Variants in PRDM16 observed in about 807,000 individuals in gnomAD.
PRDM16 encodes PR/SET domain 16, also known as histone-lysine N-methyltransferase PRDM16.
Under a neutral mutation model 110.6 loss-of-function variants are expected in PRDM16, and 23 were observed. The observed-to-expected ratio is 0.21, with a 90% confidence interval of 0.15 to 0.29. PRDM16 has a LOEUF of 0.29. Ranked by LOEUF, PRDM16 falls within the 10% of genes least tolerant of loss-of-function variation. The pLI, the probability that PRDM16 is intolerant of heterozygous loss-of-function variation, is 1.00. For synonymous variants in PRDM16, 799 were observed against 781.8 expected, an observed-to-expected ratio of 1.02 and a Z score of -0.37; for missense variants, 1,615 against 1,794.3, an observed-to-expected ratio of 0.90 and a Z score of 1.81.
chr1:3,114,952 CCTT>C (rs1220636376), intron 1 of PRDM16, among the ~76,000 whole-genome samples: 2 of 152,286 alleles, frequency 1.3e-5, no homozygotes, highest in Admixed American at 1.3e-4. Context: ...GCCAAGGCCT[CCTT>C]CTCCTCTGAC....
chr1:3,121,584 C>A (rs1178083083), intron 1 of PRDM16, among the ~76,000 whole-genome samples: 3 of 152,212 alleles, frequency 2.0e-5, no homozygotes, highest in Non-Finnish European at 4.4e-5. Flanking sequence ...CCTGGAAGTG[C>A]GGGGCAAAGG....
chr1:3,325,572 A>G (rs1641870263), intron 3 of PRDM16, among the ~76,000 whole-genome samples: 1 of 152,212 alleles, frequency 6.6e-6, no homozygotes, highest in Admixed American at 6.5e-5. Context: ...AGCTGCTGTA[A>G]CAAAGTACCA....
chr1:3,119,669 A>G (rs1163889896), intron 1 of PRDM16, among the ~76,000 whole-genome samples: 3 of 152,196 alleles, frequency 2.0e-5, no homozygotes, highest in Non-Finnish European at 4.4e-5. Context: ...ATAGGAAATC[A>G]AGGGCCAAGG....
intron 1 of PRDM16, among the ~76,000 whole-genome samples, chr1:3,070,007 T>G (rs1641708619): frequency 6.6e-6 from 1 of 151,714 alleles, no homozygotes; most frequent in South Asian, 2.1e-4. Context: ...CCCCGCGTGG[T>G]GGAGGGCGCT....
chr1:3,191,138 T>A (rs1157000091), intron 2 of PRDM16, among the ~76,000 whole-genome samples: 1 of 152,252 alleles, frequency 6.6e-6, no homozygotes, highest in Admixed American at 6.5e-5. Flanking sequence ...ATCAGAACGC[T>A]GATGAGTAAG....
At position 3,213,826 on chromosome 1, in the gene PRDM16, C is replaced by T. The variant is rs568810357; in HGVS notation, c.387+27352C>T. ...AGACCAAGGACTCCCGAGGCCAAGC[C>T]GGTGCCTTCCCAGGAGGCCTTGCCA... On this transcript the variant is annotated intron_variant, in intron 2 of 16. Transcript: ENST00000270722. This position sits in a 1 kb window ranked among gnomAD's most constrained non-coding sequence, Gnocchi z 5.3. Among the ~76,000 whole-genome samples, 11 of 152,270 alleles carry T rather than the reference C, an allele frequency of 7.2e-5. No homozygotes were observed. Among genetic ancestry groups the T allele is most frequent in the African/African-American group, 2.4e-4 (10 of 41,546 alleles).
chr1:3,108,382 G>A (rs962429238), intron 1 of PRDM16, among the ~76,000 whole-genome samples: 2 of 152,196 alleles, frequency 1.3e-5, no homozygotes, highest in African/African-American at 2.4e-5. Context: ...CTCCATCCCA[G>A]CCTGGTCTAT....
At chr1:3,432,974 G>A (rs1369133489) in intron 16 of PRDM16, among the ~76,000 whole-genome samples, 1 of 152,208 alleles carries the variant, frequency 6.6e-6, no homozygotes, top group East Asian at 1.9e-4. Flanking sequence ...GCACATCCCT[G>A]TCCCAGAGGC....
intron 2 of PRDM16, among the ~76,000 whole-genome samples, chr1:3,242,803 G>T (rs1253844301): frequency 6.6e-6 from 1 of 152,220 alleles, no homozygotes. Context: ...AAAATCTTTG[G>T]CTTGAGCATC....
At chr1:3,160,212 G>A (rs1243775121) in intron 1 of PRDM16, among the ~76,000 whole-genome samples, 2 of 152,200 alleles carry the variant, frequency 1.3e-5, no homozygotes, top group East Asian at 3.9e-4. Context: ...GTGAGGCCGC[G>A]GTTCCTGCCC....
intron 1 of PRDM16, among the ~76,000 whole-genome samples, chr1:3,126,085 A>G (rs1409110316): frequency 1.3e-5 from 2 of 152,190 alleles, no homozygotes; most frequent in South Asian, 2.1e-4. Context: ...CCCTCTTGCA[A>G]TCTGTGAATA....
chr1:3,330,655 A>C (rs1570087360), intron 3 of PRDM16, among the ~76,000 whole-genome samples: 1 of 152,224 alleles, frequency 6.6e-6, no homozygotes, highest in Admixed American at 6.5e-5. Flanking sequence ...TCTGCCCCAC[A>C]GCCTCAGGAC....
chr1:3,190,822 G>T lies in PRDM16; in HGVS notation c.387+4348G>T, dbSNP rs12139196. ...TTTTCACATTTGTTGAGTAAATCATGACATTTATCATCATGCTGTTTATTT... is the reference window on the plus strand; with the variant it reads ...TTTTCACATTTGTTGAGTAAATCATTACATTTATCATCATGCTGTTTATTT... On this transcript the variant is annotated intron_variant, in intron 2 of 16. Transcript: ENST00000270722. This position sits in a 1 kb window ranked among gnomAD's most constrained non-coding sequence, Gnocchi z 5.0. Among the ~76,000 whole-genome samples the T allele has an allele frequency of 0.27, 41,176 of 152,210 alleles. 6,580 individuals carry two copies. The highest frequency in any genetic ancestry group is 0.45 in the African/African-American group (18,744 of 41,508).
chr1:3,105,557 C>T (rs539433331), intron 1 of PRDM16, among the ~76,000 whole-genome samples: 17 of 152,350 alleles, frequency 1.1e-4, no homozygotes, highest in East Asian at 7.7e-4. Context: ...ACTTTGTTCC[C>T]GGCATCCCCT....
intron 1 of PRDM16, among the ~76,000 whole-genome samples, chr1:3,164,655 C>T (rs564629823): frequency 9.2e-5 from 14 of 152,234 alleles, no homozygotes; most frequent in East Asian, 1.9e-4. Context: ...TAAACGCGGA[C>T]GGCAGGCGAG....
chr1:3,189,722 T>C (rs1638251066), intron 2 of PRDM16, among the ~76,000 whole-genome samples: 1 of 152,190 alleles, frequency 6.6e-6, no homozygotes, highest in Non-Finnish European at 1.5e-5. Flanking sequence ...GAGCACGGTG[T>C]TGTGGCCACT....
chr1:3,437,641 G>A lies in PRDM16; in HGVS notation c.*3830G>A, dbSNP rs1638945683. The A allele has an allele frequency of 1.8e-5, 4 of 227,968 alleles. No individual in the cohort carries two copies. The South Asian group carries it at 5.5e-4, about 31-fold the overall frequency. 14.1% of individuals were successfully genotyped at this position (227,968 alleles called of 1,614,324 possible). A position where few individuals can be genotyped will look rare whatever the true frequency, so the allele number is the denominator to read the frequency against. On this transcript the variant is annotated 3_prime_UTR_variant, in exon 17 of 17. Coordinates refer to ENST00000270722, the MANE Select transcript of PRDM16 (RefSeq NM_022114.4). ...TCTCTGTAGCAATGAGTGATACTGT[G>A]ACAAAACCATCCTTGCATTCTTCCT... is the stretch of plus-strand genomic sequence containing the variant.
chr1:3,223,022 C>T (rs1330655525), intron 2 of PRDM16, among the ~76,000 whole-genome samples: 1 of 151,242 alleles, frequency 6.6e-6, no homozygotes, highest in African/African-American at 2.4e-5. Flanking sequence ...GGGGTAGCAT[C>T]TGCAGATGGA....
intron 4 of PRDM16, among the ~76,000 whole-genome samples, chr1:3,389,622 C>T (rs950649775): frequency 2.0e-5 from 3 of 152,222 alleles, no homozygotes; most frequent in Non-Finnish European, 2.9e-5. Context: ...CCCTGTTGCC[C>T]AAAAGGGGAC....
Sources: gnomAD v4.1 joint callset for allele counts (sites outside exome capture counted in the v4.1 genomes callset) on GRCh38, gnomAD v4.1.1 for gene constraint, Gnocchi (gnomAD v3.1) non-coding constraint, MANE v1.5 for transcripts, NCBI Gene and HGNC (gene_info 2026-07-23, HGNC 2026-07-21) for gene names.